The following USP25 variants were observed in gnomAD, a reference collection of about 807,000 sequenced individuals.
USP25 encodes ubiquitin specific peptidase 25, also known as ubiquitin carboxyl-terminal hydrolase 25.
A neutral mutation model predicts 158.5 loss-of-function variants in USP25; 85 were observed. The observed-to-expected ratio is 0.54, with a 90% CI of 0.45 to 0.64. The LOEUF is 0.64. Among genes scored for constraint, USP25 ranks in the 30% least tolerant of loss-of-function variants. The probability of loss-of-function intolerance (pLI) is 0.00; values close to 1 mark genes in which losing one functional copy is unlikely to be tolerated. For synonymous variants in USP25, 464 were observed against 460.4 expected (o/e 1.01, Z -0.10); for missense variants, 1,242 against 1,327.3 (o/e 0.94, Z 1.00).
chr21:15,815,142 G>A (rs1326262796), intron 9 of USP25, among the ~76,000 whole-genome samples: 2 of 152,274 alleles, frequency 1.3e-5, no homozygotes, highest in Non-Finnish European at 2.9e-5. Flanking sequence ...CCCAAACCTT[G>A]GCACCTTCCA....
At chr21:15,849,303 AGTT>A (rs1423192716) in intron 19 of USP25, among the ~76,000 whole-genome samples, 4 of 152,150 alleles carry the variant, frequency 2.6e-5, no homozygotes, top group African/African-American at 7.2e-5. Context: ...TTTAAAAATG[AGTT>A]GTTATGGATA....
At chr21:15,775,040 G>A (rs1489155002) in intron 3 of USP25, among the ~76,000 whole-genome samples, 1 of 152,166 alleles carries the variant, frequency 6.6e-6, no homozygotes, top group African/African-American at 2.4e-5. Context: ...TGCTAGTAAG[G>A]CAGAAAGACC....
In USP25 at chr21:15,874,424, C is replaced by A. The variant is rs771333405; in HGVS notation, c.2907C>A (p.Phe969Leu). The A allele has an allele frequency of 2.5e-6, 4 of 1,606,566 alleles. No individual in the cohort carries two copies. In the Admixed American group the frequency reaches 5.1e-5, roughly 21 times the overall value. ...QRESYIDSLLFLICAYQNNKE... is the reference protein window; with the variant it reads ...QRESYIDSLLLLICAYQNNKE... ...CAAGTTATATAGATTCCTTGCTGTT[C>A]CTCATCTGTGCTTATCAGAATAACA... is the stretch of plus-strand genomic sequence containing the variant. The change falls in exon 24 of 26, where the codon TTC becomes TTA. Residue 969 changes from phenylalanine (F) to leucine (L), a missense_variant. Around this residue, in one of 3 missense-constraint regions of USP25, gnomAD observed 608 missense variants for 605.2 expected, o/e 1.00. Coordinates refer to ENST00000400183, the MANE Select transcript of USP25 (RefSeq NM_001283041.3).
chr21:15,736,138 C>G (rs185346401), intron 1 of USP25, among the ~76,000 whole-genome samples: 1 of 151,760 alleles, frequency 6.6e-6, no homozygotes, highest in African/African-American at 2.4e-5. Flanking sequence ...TGCTCTCTCA[C>G]CCAAGCTGGA....
intron 6 of USP25, among the ~76,000 whole-genome samples, chr21:15,800,199 G>A (rs556032994): frequency 3.3e-5 from 5 of 151,192 alleles, no homozygotes; most frequent in East Asian, 1.9e-4. Flanking sequence ...TCAATTGATC[G>A]TCTTGTGCAG....
intron 22 of USP25, among the ~76,000 whole-genome samples, chr21:15,867,685 G>A (rs1045607083): frequency 6.6e-6 from 1 of 152,070 alleles, no homozygotes; most frequent in African/African-American, 2.4e-5. Context: ...GCAAACTTGT[G>A]TCAGACATCA....
chr21:15,826,131 T>A lies in USP25; in HGVS notation c.1305-73T>A. On this transcript the variant is annotated intron_variant, in intron 12 of 25. Transcript: ENST00000400183. This position sits in a 1 kb window ranked among gnomAD's most constrained non-coding sequence, Gnocchi z 4.8. ...GTTTTATTGAAGTATCGTATCACGTTTTATAATAATAATAAAGGCCCAAAT... is the reference window on the plus strand; with the variant it reads ...GTTTTATTGAAGTATCGTATCACGTATTATAATAATAATAAAGGCCCAAAT... 1.4e-6 allele frequency: 2 copies of A among 1,463,830 alleles called. No homozygotes were observed. Among genetic ancestry groups the A allele is most frequent in the Non-Finnish European group, 1.8e-6 (2 of 1,082,120 alleles). 90.7% of individuals were successfully genotyped at this position (1,463,830 alleles called of 1,614,324 possible).
At chr21:15,856,919 G>GT (rs1310983864) in intron 20 of USP25, among the ~76,000 whole-genome samples, 1 of 152,008 alleles carries the variant, frequency 6.6e-6, no homozygotes, top group Non-Finnish European at 1.5e-5. Context: ...CTAGAATAGG[G>GT]TATTCATGTT....
chr21:15,825,315 A>G (rs147314142), intron 12 of USP25, among the ~76,000 whole-genome samples: 9 of 152,196 alleles, frequency 5.9e-5, no homozygotes, highest in African/African-American at 2.2e-4. Flanking sequence ...AAGTTAAATG[A>G]ATATAGTTTT....
At chr21:15,834,433 TA>T (rs1211107449) in intron 17 of USP25, among the ~76,000 whole-genome samples, 6 of 152,070 alleles carry the variant, frequency 3.9e-5, no homozygotes. Context: ...TATTATTGAA[TA>T]ACTTTTTTTT....
intron 22 of USP25, among the ~76,000 whole-genome samples, chr21:15,867,962 A>C (rs577449348): frequency 2.0e-5 from 3 of 152,274 alleles, no homozygotes; most frequent in South Asian, 4.1e-4. Flanking sequence ...TGCAGGCTGT[A>C]TGAAAATTCC....
intron 1 of USP25, among the ~76,000 whole-genome samples, chr21:15,756,815 C>G (rs1198730718): frequency 3.3e-5 from 5 of 152,080 alleles, no homozygotes; most frequent in Admixed American, 3.3e-4. Flanking sequence ...TTGGACGTTG[C>G]ATCTTGCCCC....
intron 9 of USP25, among the ~76,000 whole-genome samples, chr21:15,811,827 G>A (rs1376712628): frequency 2.0e-5 from 3 of 152,042 alleles, no homozygotes; most frequent in African/African-American, 7.2e-5. Context: ...ATAATATTAG[G>A]TCCCAAAGCA....
rs140598237 is a variant in USP25 at position 15,848,636 on chromosome 21, C to T, written c.2451+860C>T. Among the ~76,000 whole-genome samples, 573 of 151,834 alleles carry T rather than the reference C, an allele frequency of 3.8e-3. 2 individuals are homozygous for T. The highest frequency in any genetic ancestry group is 0.01 in the Middle Eastern group (3 of 294). ...TGCATTTATGTTAAGTTTTTTTTCACGTAACTTTTTTTCTGACTTACTCCA... is the reference window on the plus strand; with the variant it reads ...TGCATTTATGTTAAGTTTTTTTTCATGTAACTTTTTTTCTGACTTACTCCA... On this transcript the variant is annotated intron_variant, in intron 19 of 25. Transcript: ENST00000400183.
intron 1 of USP25, among the ~76,000 whole-genome samples, chr21:15,732,565 G>C (rs1310653662): frequency 6.6e-6 from 1 of 152,142 alleles, no homozygotes; most frequent in Non-Finnish European, 1.5e-5. Context: ...TATCTAAAAG[G>C]AGAGGTGTGT....
chr21:15,782,515 C>T (rs1465088087), intron 4 of USP25, among the ~76,000 whole-genome samples: 1 of 152,226 alleles, frequency 6.6e-6, no homozygotes, highest in African/African-American at 2.4e-5. Context: ...TACAACCTTT[C>T]TGGCCTGCTG....
Position 15,847,747 on chromosome 21 carries a change from G to A in USP25, c.2422G>A (p.Glu808Lys). 3.9e-6 allele frequency: 6 copies of A among 1,549,920 alleles called. No homozygotes were observed. The highest frequency in any genetic ancestry group is 5.2e-6 in the Non-Finnish European group (6 of 1,146,444). The change falls in exon 19 of 26, where the codon GAA (glutamate) becomes AAA (lysine). Residue 808 changes from glutamate to lysine, a missense_variant. Physicochemically the swap from Glu to Lys is moderately conservative, Grantham distance 56. This residue lies in a region of USP25 where 608 missense variants were observed against 605.2 expected (regional missense o/e 1.00). Transcript: ENST00000400183. ...CCCTCATGTAGGGAAATTTATGATTGAATCAAAGGAGGGGGGGTATGATGA... is the reference window on the plus strand; with the variant it reads ...CCCTCATGTAGGGAAATTTATGATTAAATCAAAGGAGGGGGGGTATGATGA... ...AIPHVGKFMI[E>K]SKEGGYDDEI...
At position 15,787,722 on chromosome 21, in the gene USP25, C is replaced by T. The variant is rs532819211; in HGVS notation, c.393-3780C>T. Among the ~76,000 whole-genome samples the T allele has an allele frequency of 1.9e-4, 29 of 151,840 alleles. No homozygotes were observed. The South Asian group carries it at 3.5e-3, about 19-fold the overall frequency. On this transcript the variant is annotated intron_variant, in intron 4 of 25. Transcript: ENST00000400183. ...AAATCAAATGAGATGTTTCATTACC[C>T]GCCGCCCCCTTTTTTTTTCTTTGTA...
At chr21:15,757,580 T>G (rs1194590170) in intron 1 of USP25, among the ~76,000 whole-genome samples, 1 of 152,240 alleles carries the variant, frequency 6.6e-6, no homozygotes, top group South Asian at 2.1e-4. Context: ...CAAAATATTG[T>G]CACTCACACT....
Sources: gnomAD v4.1 joint callset for allele counts (sites outside exome capture counted in the v4.1 genomes callset) on GRCh38, gnomAD v4.1.1 for gene constraint, gnomAD v4.1.1 regional missense constraint, Gnocchi (gnomAD v3.1) non-coding constraint, MANE v1.5 for transcripts, NCBI Gene and HGNC (gene_info 2026-07-23, HGNC 2026-07-21) for gene names.